Variants in TRPV2 observed in about 807,000 individuals in gnomAD.
The protein encoded by TRPV2 is OTRPC2.
In TRPV2, 58 loss-of-function variants were observed where a neutral mutation model predicts 91.0. The observed-to-expected ratio is 0.64, with a 90% confidence interval of 0.52 to 0.79. TRPV2 has a LOEUF of 0.79. Ranked by LOEUF, TRPV2 falls within the 30% of genes least tolerant of loss-of-function variation. The pLI, the probability that TRPV2 is intolerant of heterozygous loss-of-function variation, is 0.00. For synonymous variants in TRPV2, 417 were observed against 414.8 expected, an observed-to-expected ratio of 1.01 and a Z score of -0.06; for missense variants, 807 against 969.6, an observed-to-expected ratio of 0.83 and a Z score of 2.23.
At position 16,427,460 on chromosome 17, in the gene TRPV2, T is replaced by A. The variant is rs749878557; in HGVS notation, c.1263T>A (p.Pro421=). The A allele has an allele frequency of 6.2e-7, 1 of 1,613,726 alleles. No homozygotes were observed. The highest frequency in any genetic ancestry group is 1.1e-5 in the South Asian group (1 of 91,052). The change falls in exon 8 of 15, where the codon CCT becomes CCA. Residue 421 remains proline (P), a synonymous_variant. Transcript: ENST00000338560. ...GAGTGTGTCTTCAGCAGGCCGCCCC[T>A]CACCTGAAAGCGGAGGTTGGAAACT... ...HQPTLKKQAA[P]HLKAEVGNSM... is the part of the protein sequence containing the mutation.
In TRPV2 at chr17:16,431,867, G is replaced by A; in HGVS notation, c.1654+17G>A. 1 of 1,613,922 alleles carries A rather than the reference G, an allele frequency of 6.2e-7. No individual in the cohort carries two copies. The highest frequency in any genetic ancestry group is 8.5e-7 in the Non-Finnish European group (1 of 1,179,924). On this transcript the variant is annotated intron_variant, in intron 11 of 14. Coordinates refer to ENST00000338560, the MANE Select transcript of TRPV2 (RefSeq NM_016113.5). ...TCGCTGTAGGTAAAGGCTCCCTCCG[G>A]CCCCCTCCCCCTTCCCCACGTTCCT...
intron 12 of TRPV2, among the ~76,000 whole-genome samples, chr17:16,432,805 CTT>C (rs549732624): frequency 6.5e-4 from 88 of 135,276 alleles, no homozygotes; most frequent in Non-Finnish European, 6.3e-4. Flanking sequence ...TCCAGTGTTT[CTT>C]TTTTTTTTTT....
rs915040262 is a variant in TRPV2, at chr17:16,415,716, G to C, written c.-225G>C. 1.3e-5 allele frequency: 2 copies of C among 152,166 alleles called. No homozygotes were observed. The highest frequency in any genetic ancestry group is 3.9e-4 in the East Asian group (2 of 5,190). The allele number at this position is 152,166 out of a possible 1,614,324, so 9.4% of individuals were successfully genotyped here. On this transcript the variant is annotated 5_prime_UTR_variant, in exon 1 of 15. Transcript: ENST00000338560. This position sits in a 1 kb window ranked among gnomAD's most constrained non-coding sequence, Gnocchi z 4.5. ...GCTCAGAGCTGGGGAGGGAGGTTCC[G>C]CCGCTCCTCTGCTGTCAGCGCCGGC...
At position 16,417,595 on chromosome 17, in the gene TRPV2, G is replaced by A. The variant is rs1361727620; in HGVS notation, c.-74G>A. 1.3e-6 allele frequency: 2 copies of A among 1,525,172 alleles called. No homozygotes were observed. The highest frequency in any genetic ancestry group is 1.8e-6 in the Non-Finnish European group (2 of 1,105,734). 94.5% of individuals were successfully genotyped at this position (1,525,172 alleles called of 1,614,324 possible). ...CAGGCCAACACCGACGCGCAGCTGG[G>A]AGGAAGACAGGACCCTTGACATCTC... On this transcript the variant is annotated 5_prime_UTR_variant, in exon 2 of 15. Coordinates refer to ENST00000338560, the MANE Select transcript of TRPV2 (RefSeq NM_016113.5).
At chr17:16,433,778 C>A (rs973697811) in intron 13 of TRPV2, 80 bp downstream of exon 13, 2 of 1,558,742 alleles carry the variant, frequency 1.3e-6, no homozygotes, top group South Asian at 2.4e-5. Flanking sequence ...CAGGGCACAG[C>A]TGCCAGGAGC....
intron 3 of TRPV2, among the ~76,000 whole-genome samples, chr17:16,422,329 A>G (rs1045003376): frequency 2.6e-4 from 40 of 151,562 alleles, no homozygotes; most frequent in African/African-American, 9.2e-4. Context: ...TCTCAAAAAA[A>G]AAAAAAAAAG....
intron 14 of TRPV2, 37 bp from the exon 15 acceptor site, chr17:16,436,752 C>T: frequency 6.7e-7 from 1 of 1,498,362 alleles, no homozygotes; most frequent in Non-Finnish European, 9.3e-7. Flanking sequence ...GGGACACACT[C>T]AAGGGTTAAG....
At chr17:16,421,303 C>T (rs754337262) in intron 3 of TRPV2, among the ~76,000 whole-genome samples, 1 of 151,840 alleles carries the variant, frequency 6.6e-6, no homozygotes, top group Non-Finnish European at 1.5e-5. Context: ...CTCCACCTCC[C>T]GGGCTCATGC....
At chr17:16,432,887 C>T (rs553839893) in intron 12 of TRPV2, among the ~76,000 whole-genome samples, 17 of 151,860 alleles carry the variant, frequency 1.1e-4, no homozygotes, top group African/African-American at 3.6e-4. Context: ...CTCACTGCCA[C>T]CTTTGTCTCC....
At chr17:16,425,502 A>G (rs113744176) in intron 5 of TRPV2, among the ~76,000 whole-genome samples, 2 of 152,326 alleles carry the variant, frequency 1.3e-5, no homozygotes, top group African/African-American at 4.8e-5. Flanking sequence ...GATTTTTGAA[A>G]GATTAAGGAA....
Position 16,428,890 on chromosome 17 carries a change from C to T in TRPV2, c.1495C>T (p.Leu499Phe). Residue 499 changes from leucine to phenylalanine, a missense_variant, in exon 10 of 15, where the codon CTT becomes TTT. Leu to Phe is a conservative substitution (Grantham distance 22). Coordinates refer to ENST00000338560, the MANE Select transcript of TRPV2 (RefSeq NM_016113.5). Reference protein sequence around the residue: ...FLAIEWYLPLLVSALVLGWLN... With the variant: ...FLAIEWYLPLFVSALVLGWLN... ...GGCCATCGAGTGGTACCTGCCCCTGCTTGTGTCTGCGCTGGTGCTGGGCTG... is the reference window on the plus strand; with the variant it reads ...GGCCATCGAGTGGTACCTGCCCCTGTTTGTGTCTGCGCTGGTGCTGGGCTG... 6.2e-7 allele frequency: 1 copy of T among 1,614,172 alleles called. No individual in the cohort carries two copies. The highest frequency in any genetic ancestry group is 8.5e-7 in the Non-Finnish European group (1 of 1,180,028).
rs756844573 is a variant in TRPV2, at chr17:16,427,454, C to T, written c.1257C>T (p.Ala419=). The part of the protein sequence containing the change: ...AYHQPTLKKQ[A]APHLKAEVGN... ...TCATCTGAGTGTGTCTTCAGCAGGC[C>T]GCCCCTCACCTGAAAGCGGAGGTTG... The change falls in exon 8 of 15, where the codon GCC becomes GCT. Residue 419 remains alanine (A), a synonymous_variant. Transcript: ENST00000338560. 93 of 1,613,488 alleles carry T rather than the reference C, an allele frequency of 5.8e-5. No homozygotes were observed. Among genetic ancestry groups the T allele is most frequent in the Non-Finnish European group, 6.9e-5 (81 of 1,179,690 alleles).
intron 12 of TRPV2, 29 bp downstream of exon 12, chr17:16,432,329 C>T: frequency 6.4e-7 from 1 of 1,574,426 alleles, no homozygotes; most frequent in Non-Finnish European, 8.6e-7. Context: ...CCTGCCCCCA[C>T]CCCACCCCAC....
At chr17:16,431,724 T>C in intron 10 of TRPV2, 60 bp from the exon 11 acceptor site, 1 of 1,516,554 alleles carries the variant, frequency 6.6e-7, no homozygotes, top group Non-Finnish European at 9.2e-7. Context: ...GAGGCAGGGT[T>C]CTGGGGTCGT....
Position 16,433,632 on chromosome 17 carries a change from G to T in TRPV2, c.2048G>T (p.Arg683Leu). ...NGYWWCRKKQ[R>L]AGVMLTVGTK... Reference sequence around the variant, plus strand: ...TATTGGTGGTGCAGGAAGAAGCAGCGGGCAGGTGTGATGCTGACCGTTGGC... The same window carrying T: ...TATTGGTGGTGCAGGAAGAAGCAGCTGGCAGGTGTGATGCTGACCGTTGGC... Residue 683 changes from arginine (R) to leucine (L), a missense_variant, in exon 13 of 15, where the codon CGG (arginine) becomes CTG (leucine). Transcript: ENST00000338560. 3 of 1,614,184 alleles carry T rather than the reference G, an allele frequency of 1.9e-6. No individual in the cohort carries two copies. The highest frequency in any genetic ancestry group is 2.5e-6 in the Non-Finnish European group (3 of 1,180,034).
rs1167449708 is a variant in TRPV2 at position 16,431,291 on chromosome 17, A to ATTT, written c.1588-475_1588-473dup. Among the ~76,000 whole-genome samples the ATTT allele has an allele frequency of 3.1e-3, 206 of 67,362 alleles. 11 individuals are homozygous for ATTT. The highest frequency in any genetic ancestry group is 6.5e-3 in the Admixed American group (32 of 4,944). 44.2% of individuals were successfully genotyped at this position (67,362 alleles called of 152,430 possible). ...TATATATATATATATATATATACAT[A>ATTT]TTTTTTTTTTTTTTTTTTTTGAGAC... On this transcript the variant is annotated intron_variant, in intron 10 of 14. Transcript: ENST00000338560.
chr17:16,429,440 G>GA lies in TRPV2; in HGVS notation c.1587+461dup, dbSNP rs576765329. 2.4e-4 allele frequency among the ~76,000 whole-genome samples: 37 copies of GA among 152,226 alleles called. No homozygotes were observed. In the East Asian group the frequency reaches 6.8e-3, roughly 28 times the overall value. ...CCTGAAGCTGATGTTCTGGTGGGAG[G>GA]AAATGAAAACCTTAAGAAAACAACT... On this transcript the variant is annotated intron_variant, in intron 10 of 14. Transcript: ENST00000338560.
chr17:16,424,190 C>T (rs2093372185), intron 5 of TRPV2, among the ~76,000 whole-genome samples: 1 of 147,846 alleles, frequency 6.8e-6, no homozygotes, highest in Non-Finnish European at 1.5e-5. Context: ...CGGACCCTCG[C>T]TCTGTCACCC....
rs768356620 is a variant in TRPV2 at position 16,417,657 on chromosome 17, C to T, written c.-12C>T. 3 of 1,613,376 alleles carry T rather than the reference C, an allele frequency of 1.9e-6. No individual in the cohort carries two copies. The highest frequency in any genetic ancestry group is 2.5e-6 in the Non-Finnish European group (3 of 1,179,620). On this transcript the variant is annotated 5_prime_UTR_variant, in exon 2 of 15. Coordinates refer to ENST00000338560, the MANE Select transcript of TRPV2 (RefSeq NM_016113.5). ...AGGTCCTGGCTGGACCGAGCAGCCTCCTCCTCCTAGGATGACCTCACCCTC... is the reference window on the plus strand; with the variant it reads ...AGGTCCTGGCTGGACCGAGCAGCCTTCTCCTCCTAGGATGACCTCACCCTC...
Sources: gnomAD v4.1 joint callset for allele counts (sites outside exome capture counted in the v4.1 genomes callset) on GRCh38, gnomAD v4.1.1 for gene constraint, Gnocchi (gnomAD v3.1) non-coding constraint, MANE v1.5 for transcripts, NCBI Gene and HGNC (gene_info 2026-07-23, HGNC 2026-07-21) for gene names.